ARHGAP18: variants seen among roughly 807,000 people sequenced by gnomAD.
ARHGAP18 encodes Rho GTPase activating protein 18.
In ARHGAP18, 67 loss-of-function variants were observed where a neutral mutation model predicts 86.2. That is an observed-to-expected ratio of 0.78 (90% CI 0.64 to 0.95). The LOEUF (loss-of-function observed/expected upper bound fraction) is 0.95. Ranked by LOEUF, ARHGAP18 falls within the 40% of genes least tolerant of loss-of-function variation. The probability of loss-of-function intolerance (pLI) is 0.00; values close to 1 mark genes in which losing one functional copy is unlikely to be tolerated. For synonymous variants in ARHGAP18, 283 were observed against 280.4 expected (o/e 1.01, Z -0.09); for missense variants, 691 against 780.4 (o/e 0.89, Z 1.37).
intron 4 of ARHGAP18, among the ~76,000 whole-genome samples, chr6:129,633,551 A>C (rs981413477): frequency 6.6e-6 from 1 of 152,230 alleles, no homozygotes; most frequent in African/African-American, 2.4e-5. Context: ...TTGCCCATAA[A>C]AATCTTAACT....
At chr6:129,638,289 A>G (rs995328986) in intron 3 of ARHGAP18, 105 bp downstream of exon 3, 19 of 1,146,162 alleles carry the variant, frequency 1.7e-5, no homozygotes, top group Admixed American at 2.1e-5. Flanking sequence ...TGCCTGGCAT[A>G]GAATAGGTGA....
At chr6:129,645,576 C>G (rs1263962091) in intron 1 of ARHGAP18, among the ~76,000 whole-genome samples, 1 of 152,160 alleles carries the variant, frequency 6.6e-6, no homozygotes, top group Non-Finnish European at 1.5e-5. Context: ...CTCCAGAATT[C>G]TGTGTGCTAA....
chr6:129,590,858 T>G (rs1239657846), intron 12 of ARHGAP18, among the ~76,000 whole-genome samples: 1 of 152,220 alleles, frequency 6.6e-6, no homozygotes, highest in Non-Finnish European at 1.5e-5. Flanking sequence ...TGTTTATTTC[T>G]GTAGTGATTC....
rs1406473110 is a variant in ARHGAP18, at chr6:129,630,349, A to AT, written c.617-828dup. On this transcript the variant is annotated intron_variant, in intron 4 of 14. Transcript: ENST00000368149. ...ACTTCTAAATTTGATTATTTGGTAA[A>AT]TTTTTTGTTTTAATGCAATTAACAG... Among the ~76,000 whole-genome samples the AT allele has an allele frequency of 2.0e-5, 3 of 152,168 alleles. No homozygotes were observed. In the South Asian group the frequency reaches 6.2e-4, roughly 32 times the overall value.
At chr6:129,606,246 A>T (rs1466527420) in intron 9 of ARHGAP18, among the ~76,000 whole-genome samples, 2 of 152,166 alleles carry the variant, frequency 1.3e-5, no homozygotes, top group Non-Finnish European at 2.9e-5. Flanking sequence ...AATAATTTTA[A>T]CTTCTGCGTG....
chr6:129,710,064 C>G lies in ARHGAP18; in HGVS notation c.73G>C (p.Gly25Arg). Residue 25 changes from glycine to arginine, a missense_variant, in exon 1 of 15, where the codon GGG becomes CGG. By Grantham distance (125) the Gly-to-Arg change is moderately radical. Coordinates refer to ENST00000368149, the MANE Select transcript of ARHGAP18 (RefSeq NM_033515.3). Reference protein sequence around the residue: ...YHPSGKDQTVGNSHAKAGEEA... With the variant: ...YHPSGKDQTVRNSHAKAGEEA... ...TCCCCTGCCTTTGCATGGCTGTTCC[C>G]GACGGTCTGGTCCTTGCCGCTGGGG... The G allele has an allele frequency of 6.2e-7, 1 of 1,614,102 alleles. No individual in the cohort carries two copies. The highest frequency in any genetic ancestry group is 8.5e-7 in the Non-Finnish European group (1 of 1,179,952).
chr6:129,698,175 G>T (rs1432625854), intron 1 of ARHGAP18, among the ~76,000 whole-genome samples: 1 of 152,072 alleles, frequency 6.6e-6, no homozygotes, highest in Non-Finnish European at 1.5e-5. Flanking sequence ...TTCAGAGCAG[G>T]AATTTGTACA....
At chr6:129,583,927 G>A in intron 13 of ARHGAP18, 61 bp downstream of exon 13, 1 of 1,547,696 alleles carries the variant, frequency 6.5e-7, no homozygotes, top group Non-Finnish European at 8.7e-7. Context: ...AGCAGCGAAG[G>A]CGAGAGAGAG....
rs1215354480 is a variant in ARHGAP18, at chr6:129,577,013, A to T, written c.*1500T>A. On this transcript the variant is annotated 3_prime_UTR_variant, in exon 15 of 15. Coordinates refer to ENST00000368149, the MANE Select transcript of ARHGAP18 (RefSeq NM_033515.3). ...TAGAGGTGACTTTTAATAACAAAAA[A>T]GTCCATTTCTCAATATTAATAAAAA... 2 of 149,320 alleles carry T rather than the reference A, an allele frequency of 1.3e-5. No individual in the cohort carries two copies. Among genetic ancestry groups the T allele is most frequent in the Non-Finnish European group, 3.0e-5 (2 of 66,996 alleles). The allele number at this position is 149,320 out of a possible 1,614,324, so 9.2% of individuals were successfully genotyped here.
At chr6:129,609,932 A>G (rs770487968) in intron 8 of ARHGAP18, among the ~76,000 whole-genome samples, 1 of 151,246 alleles carries the variant, frequency 6.6e-6, no homozygotes, top group South Asian at 2.1e-4. Context: ...AGTAATTCCA[A>G]TCCTGGCAAC....
At chr6:129,694,323 G>A (rs1374914199) in intron 1 of ARHGAP18, among the ~76,000 whole-genome samples, 1 of 152,170 alleles carries the variant, frequency 6.6e-6, no homozygotes, top group Non-Finnish European at 1.5e-5. Context: ...ATAGCAGTGT[G>A]ACCTTGGGCA....
chr6:129,675,262 A>G (rs529717832), intron 1 of ARHGAP18, among the ~76,000 whole-genome samples: 1 of 151,992 alleles, frequency 6.6e-6, no homozygotes, highest in Admixed American at 6.6e-5. Flanking sequence ...GTCTCTAATT[A>G]AGAGGTTGAG....
chr6:129,686,978 C>CTTTTTT (rs71028176), intron 1 of ARHGAP18, among the ~76,000 whole-genome samples: 10 of 106,934 alleles, frequency 9.4e-5, no homozygotes, highest in African/African-American at 1.4e-4. Context: ...TTTTTTTTTT[C>CTTTTTT]TTTTTTTTTT....
At position 129,577,110 on chromosome 6, in the gene ARHGAP18, C is replaced by T. The variant is rs946648792; in HGVS notation, c.*1403G>A. 2 of 151,960 alleles carry T rather than the reference C, an allele frequency of 1.3e-5. No homozygotes were observed. Among genetic ancestry groups the T allele is most frequent in the Non-Finnish European group, 2.9e-5 (2 of 67,962 alleles). 9.4% of individuals were successfully genotyped at this position (151,960 alleles called of 1,614,324 possible). A position where few individuals can be genotyped will look rare whatever the true frequency, so the allele number is the denominator to read the frequency against. ...CAAGAGAAGATAATTTAGAAAAAGG[C>T]ATTTAATTACAAAATTTTCTTTTAA... On this transcript the variant is annotated 3_prime_UTR_variant, in exon 15 of 15. Transcript: ENST00000368149.
At position 129,641,823 on chromosome 6, in the gene ARHGAP18, C is replaced by A; in HGVS notation, c.309G>T (p.Glu103Asp). The A allele has an allele frequency of 1.2e-6, 2 of 1,612,924 alleles. No individual in the cohort carries two copies. Among genetic ancestry groups the A allele is most frequent in the Non-Finnish European group, 1.7e-6 (2 of 1,179,400 alleles). Residue 103 changes from glutamate to aspartate, a missense_variant, in exon 2 of 15, where the codon GAG becomes GAT. Glu to Asp is a conservative substitution (Grantham distance 45, BLOSUM62 2). Coordinates refer to ENST00000368149, the MANE Select transcript of ARHGAP18 (RefSeq NM_033515.3). ...QEDQEVVVVK[E>D]PDEGELEEEW... ...TATTTAGTTAGTTATTACCATCAGG[C>A]TCTTTGACAACAACCACCTCTTGAT...
intron 12 of ARHGAP18, among the ~76,000 whole-genome samples, chr6:129,592,350 C>T (rs1788534235): frequency 6.6e-6 from 1 of 151,950 alleles, no homozygotes; most frequent in South Asian, 2.1e-4. Flanking sequence ...GCAACCCTGG[C>T]CACAAACAAC....
At chr6:129,679,263 C>T (rs1774284443) in intron 1 of ARHGAP18, among the ~76,000 whole-genome samples, 1 of 152,206 alleles carries the variant, frequency 6.6e-6, no homozygotes, top group South Asian at 2.1e-4. Context: ...TCAGTCTAAA[C>T]TAGTGCCATC....
intron 1 of ARHGAP18, among the ~76,000 whole-genome samples, chr6:129,647,207 G>A (rs1773598697): frequency 1.3e-5 from 2 of 152,148 alleles, no homozygotes; most frequent in South Asian, 4.1e-4. Flanking sequence ...AGGGGCAGAA[G>A]TTCTCTCTGG....
At chr6:129,709,976 G>A (rs1343945553) in intron 1 of ARHGAP18, 48 bp downstream of exon 1, 2 of 1,461,574 alleles carry the variant, frequency 1.4e-6, no homozygotes, top group South Asian at 2.3e-5. Flanking sequence ...CTTTCTTCCT[G>A]GAGCAGGTAA....
Sources: allele counts gnomAD v4.1 joint callset (sites outside exome capture counted in the v4.1 genomes callset), GRCh38; gene constraint gnomAD v4.1.1; transcripts MANE v1.5; gene names NCBI Gene and HGNC (gene_info 2026-07-23, HGNC 2026-07-21).